CNTNAP2: variants seen among roughly 807,000 people sequenced by gnomAD.
CNTNAP2 encodes the protein contactin associated protein 2, also known as contactin-associated protein-like 2.
In CNTNAP2, 98 loss-of-function variants were observed where a neutral mutation model predicts 155.2. The observed-to-expected ratio is 0.63, with a 90% confidence interval of 0.54 to 0.75. CNTNAP2 has a LOEUF of 0.75. Ranked by LOEUF, CNTNAP2 falls within the 30% of genes least tolerant of loss-of-function variation. The probability of loss-of-function intolerance (pLI) is 0.00; values close to 1 mark genes in which losing one functional copy is unlikely to be tolerated. For missense variants in CNTNAP2, 1,727 were observed against 1,688.1 expected (o/e 1.02, Z -0.40); for synonymous variants, 651 against 631.2 (o/e 1.03, Z -0.47).
At chr7:148,206,745 T>A (rs1795457008) in intron 18 of CNTNAP2, among the ~76,000 whole-genome samples, 1 of 152,210 alleles carries the variant, frequency 6.6e-6, no homozygotes, top group African/African-American at 2.4e-5. Flanking sequence ...AAACATAGCC[T>A]AGGTTGGGAA....
intron 15 of CNTNAP2, 33 bp from the exon 16 acceptor site, chr7:148,118,085 A>T (rs764305404): frequency 6.2e-7 from 1 of 1,609,126 alleles, no homozygotes; most frequent in African/African-American, 1.3e-5. Context: ...TCAGGGTGTG[A>T]GTTAACCTGA....
At chr7:146,716,454 T>C (rs1352112329) in intron 1 of CNTNAP2, among the ~76,000 whole-genome samples, 1 of 152,168 alleles carries the variant, frequency 6.6e-6, no homozygotes, top group East Asian at 1.9e-4. Flanking sequence ...GTTTAAATTG[T>C]CCCCAAAGTG....
chr7:146,223,629 C>T (rs890655732), intron 1 of CNTNAP2, among the ~76,000 whole-genome samples: 2 of 152,184 alleles, frequency 1.3e-5, no homozygotes, highest in African/African-American at 4.8e-5. Context: ...TCTAGACAAA[C>T]ATGGAGTTAC....
chr7:147,094,550 C>T (rs555160465), intron 4 of CNTNAP2, among the ~76,000 whole-genome samples: 62 of 151,148 alleles, frequency 4.1e-4, no homozygotes, highest in South Asian at 4.0e-3. Context: ...TACAGGCGTC[C>T]GCCACCACGC....
At chr7:147,875,930 A>G (rs1374151541) in intron 13 of CNTNAP2, among the ~76,000 whole-genome samples, 1 of 152,184 alleles carries the variant, frequency 6.6e-6, no homozygotes, top group East Asian at 1.9e-4. Flanking sequence ...ATTTGAGAGT[A>G]CAGAGGTAAA....
In CNTNAP2 at chr7:148,202,187, T is replaced by C. The variant is rs370702818; in HGVS notation, c.3011-15101T>C. The stretch of plus-strand genomic sequence containing the variant: ...CTCTCCTGCCACTGGAAGGTGTTTT[T>C]ACAGTTCCCCTTGTGACAAAGGACA... On this transcript the variant is annotated intron_variant, in intron 18 of 23. Coordinates refer to ENST00000361727, the MANE Select transcript of CNTNAP2 (RefSeq NM_014141.6). Among the ~76,000 whole-genome samples, 7 of 152,276 alleles carry C rather than the reference T, an allele frequency of 4.6e-5. No homozygotes were observed. In the East Asian group the frequency reaches 9.7e-4, roughly 21 times the overall value.
intron 3 of CNTNAP2, among the ~76,000 whole-genome samples, chr7:146,935,961 A>C (rs1339945326): frequency 1.3e-5 from 2 of 152,288 alleles, no homozygotes; most frequent in East Asian, 1.9e-4. Context: ...TATGCTCTCA[A>C]AGGTTTTAAA....
chr7:147,829,039 T>G lies in CNTNAP2; in HGVS notation c.2099-74526T>G, dbSNP rs571181327. On this transcript the variant is annotated intron_variant, in intron 13 of 23. Transcript: ENST00000361727. ...CACCACCAAAAAAACCAGCACCATA[T>G]GGCAAGTTCCCCATTTCCCCTAAAA... Among the ~76,000 whole-genome samples the G allele has an allele frequency of 3.9e-5, 6 of 152,312 alleles. No individual in the cohort carries two copies. In the East Asian group the frequency reaches 1.2e-3, roughly 29 times the overall value.
chr7:147,453,707 A>T (rs1797872979), intron 10 of CNTNAP2, among the ~76,000 whole-genome samples: 1 of 152,180 alleles, frequency 6.6e-6, no homozygotes, highest in African/African-American at 2.4e-5. Context: ...AATAAGTTCT[A>T]AGAATTAAAG....
chr7:147,983,093 A>G (rs1480138337), intron 15 of CNTNAP2, among the ~76,000 whole-genome samples: 1 of 151,770 alleles, frequency 6.6e-6, no homozygotes, highest in Non-Finnish European at 1.5e-5. Flanking sequence ...TTTCTGTACC[A>G]ATGAAACATT....
chr7:146,247,518 A>T (rs1366750658), intron 1 of CNTNAP2, among the ~76,000 whole-genome samples: 2 of 152,122 alleles, frequency 1.3e-5, no homozygotes, highest in Non-Finnish European at 2.9e-5. Flanking sequence ...TGGGAGGGAA[A>T]GAAGGAAGAT....
chr7:147,402,351 G>C (rs1234807906), intron 10 of CNTNAP2, among the ~76,000 whole-genome samples: 4 of 152,174 alleles, frequency 2.6e-5, no homozygotes, highest in Admixed American at 6.5e-5. Context: ...TCGGCCTTCA[G>C]GGTCCCACTT....
intron 1 of CNTNAP2, among the ~76,000 whole-genome samples, chr7:146,656,449 C>A (rs1799997077): frequency 1.3e-5 from 2 of 152,192 alleles, no homozygotes; most frequent in Admixed American, 1.3e-4. Context: ...GAAATTGTCA[C>A]TGATCCATGT....
At chr7:148,134,931 T>C (rs544702135) in intron 16 of CNTNAP2, among the ~76,000 whole-genome samples, 1 of 151,636 alleles carries the variant, frequency 6.6e-6, no homozygotes, top group East Asian at 1.9e-4. Context: ...TATATATACT[T>C]TTTTTTTACA....
chr7:147,225,790 GGAAGGAAGGAAA>G (rs1331536442), intron 8 of CNTNAP2, among the ~76,000 whole-genome samples: 15 of 74,588 alleles, frequency 2.0e-4, no homozygotes, highest in African/African-American at 4.8e-4. Context: ...AAGGAAGGAA[GGAAGGAAGGAAA>G]GAAAGAAAGA....
At chr7:147,253,055 C>T (rs1395290206) in intron 8 of CNTNAP2, among the ~76,000 whole-genome samples, 5 of 152,100 alleles carry the variant, frequency 3.3e-5, no homozygotes, top group Admixed American at 3.3e-4. Flanking sequence ...GACTGGTAAT[C>T]CTAAAGAAGT....
At chr7:146,866,776 T>C (rs1795213345) in intron 3 of CNTNAP2, among the ~76,000 whole-genome samples, 1 of 151,992 alleles carries the variant, frequency 6.6e-6, no homozygotes, top group African/African-American at 2.4e-5. Flanking sequence ...TTGGAAACAT[T>C]TGTCTATCAG....
At chr7:146,745,839 A>G (rs1801801627) in intron 1 of CNTNAP2, among the ~76,000 whole-genome samples, 1 of 152,106 alleles carries the variant, frequency 6.6e-6, no homozygotes, top group African/African-American at 2.4e-5. Flanking sequence ...TCACAAAAGA[A>G]GAGAAACTAT....
At chr7:147,751,565 A>T (rs1797136006) in intron 13 of CNTNAP2, among the ~76,000 whole-genome samples, 1 of 152,252 alleles carries the variant, frequency 6.6e-6, no homozygotes, top group Non-Finnish European at 1.5e-5. Flanking sequence ...AGAGGCAATC[A>T]TCGTCCCTTA....
Sources: gnomAD v4.1 joint callset for allele counts (sites outside exome capture counted in the v4.1 genomes callset) on GRCh38, gnomAD v4.1.1 for gene constraint, MANE v1.5 for transcripts, NCBI Gene and HGNC (gene_info 2026-07-23, HGNC 2026-07-21) for gene names.